TAF1L: variants seen among roughly 807,000 people sequenced by gnomAD.
The protein encoded by TAF1L is TATA-box binding protein associated factor 1 like.
A neutral mutation model predicts 128.8 loss-of-function variants in TAF1L; 30 were observed. The ratio of observed to expected loss-of-function variants is 0.23; its 90% CI spans 0.17 to 0.32. TAF1L has a LOEUF of 0.32. TAF1L is among the 10% of genes least tolerant of loss of function. TAF1L has a pLI of 1.00. For missense variants in TAF1L, 2,099 were observed against 2,253.7 expected (o/e 0.93, Z 1.39); for synonymous variants, 764 against 790.7 (o/e 0.97, Z 0.57).
rs761423467 is a variant in TAF1L at position 32,630,118 on chromosome 9, T to G, written c.5462A>C (p.Lys1821Thr). The G allele has an allele frequency of 2.5e-6, 4 of 1,614,190 alleles. No homozygotes were observed. The highest frequency in any genetic ancestry group is 3.4e-6 in the Non-Finnish European group (4 of 1,180,020). ...CTTTCTTCATTTTCCGTGCCCATCCTTGTGTTCTCCTGAAGCATGCTGAAG... is the reference window on the plus strand; with the variant it reads ...CTTTCTTCATTTTCCGTGCCCATCCGTGTGTTCTCCTGAAGCATGCTGAAG... Reference protein sequence around the residue: ...FMLQHASGEHKDGHGK With the variant: ...FMLQHASGEHTDGHGK Residue 1821 changes from lysine to threonine, a missense_variant, in exon 1 of 1, where the codon AAG (lysine) becomes ACG (threonine). Lys to Thr is a moderately conservative substitution (Grantham distance 78). Coordinates refer to ENST00000242310, the MANE Select transcript of TAF1L (RefSeq NM_153809.2).
Position 32,634,433 on chromosome 9 carries a change from A to G in TAF1L, c.1147T>C (p.Tyr383His). The change falls in exon 1 of 1, where the codon TAT becomes CAT. Residue 383 changes from tyrosine to histidine, a missense_variant. By Grantham distance (83) the Tyr-to-His change is moderately conservative. This residue lies in a region of TAF1L where 1,213 missense variants were observed against 1,391.4 expected (regional missense o/e 0.87). Coordinates refer to ENST00000242310, the MANE Select transcript of TAF1L (RefSeq NM_153809.2). ...GVSEDGSGFD[Y>H]GFKLRKTQHE... ...TGTGTCTTTCTCAGTTTGAAGCCAT[A>G]GTCAAACCCACTGCCATCTTCGGAG... 6.2e-7 allele frequency: 1 copy of G among 1,614,234 alleles called. No individual in the cohort carries two copies. The highest frequency in any genetic ancestry group is 8.5e-7 in the Non-Finnish European group (1 of 1,180,044).
Position 32,632,692 on chromosome 9 carries a change from C to A in TAF1L, c.2888G>T (p.Gly963Val). 6.2e-7 allele frequency: 1 copy of A among 1,614,196 alleles called. No homozygotes were observed. Among genetic ancestry groups the A allele is most frequent in the East Asian group, 2.2e-5 (1 of 44,884 alleles). ...CCCAGTCACCTCTAGGAGACACTTG[C>A]CCTTCATGGCAGCAATGAAGGCCCT... The part of the protein sequence containing the change: ...TTRAFIAAMK[G>V]KCLLEVTGVA... Residue 963 changes from glycine to valine, a missense_variant, in exon 1 of 1, where the codon GGC becomes GTC. Around this residue, in one of 4 missense-constraint regions of TAF1L, gnomAD observed 1,213 missense variants for 1,391.4 expected, o/e 0.87. Transcript: ENST00000242310. This position sits in a 1 kb window ranked among gnomAD's most constrained non-coding sequence, Gnocchi z 4.4.
In TAF1L at chr9:32,633,316, G is replaced by C; in HGVS notation, c.2264C>G (p.Pro755Arg). The change falls in exon 1 of 1, where the codon CCT (proline) becomes CGT (arginine). Residue 755 changes from proline to arginine, a missense_variant. Physicochemically the swap from Pro to Arg is moderately radical, Grantham distance 103. This residue lies in a region of TAF1L where 1,213 missense variants were observed against 1,391.4 expected (regional missense o/e 0.87). Transcript: ENST00000242310. The stretch of plus-strand genomic sequence containing the variant: ...CTCAAGTGCCTGCAGTAATTGGCCA[G>C]GATGGAGAGAGCCCAAGAAAGGAGA... The part of the protein sequence containing the change: ...HTSPFLGSLH[P>R]GQLLQALENN... 1.2e-6 allele frequency: 2 copies of C among 1,614,226 alleles called. No homozygotes were observed.
At position 32,631,739 on chromosome 9, in the gene TAF1L, G is replaced by A; in HGVS notation, c.3841C>T (p.Leu1281=). Residue 1281 remains leucine, a synonymous_variant, in exon 1 of 1, where the codon CTG becomes TTG. Coordinates refer to ENST00000242310, the MANE Select transcript of TAF1L (RefSeq NM_153809.2). The surrounding 1 kb of genome is among the most constrained non-coding windows in gnomAD (Gnocchi z 4.1). ...ATGGCACCACATGCCCCACATTTCA[G>A]TTTTAGGTCAGGACGCTCTTTCATT... ...KKMKERPDLK[L]KCGACGAIGH... 1 of 1,614,162 alleles carries A rather than the reference G, an allele frequency of 6.2e-7. No individual in the cohort carries two copies. The highest frequency in any genetic ancestry group is 8.5e-7 in the Non-Finnish European group (1 of 1,180,034).
At position 32,631,894 on chromosome 9, in the gene TAF1L, G is replaced by T; in HGVS notation, c.3686C>A (p.Ala1229Asp). The T allele has an allele frequency of 6.2e-7, 1 of 1,614,154 alleles. No homozygotes were observed. The highest frequency in any genetic ancestry group is 8.5e-7 in the Non-Finnish European group (1 of 1,180,034). ...TKDEKFIQKF[A>D]LFDEKHREEM... ...TTCCCGATGTTTTTCATCAAAAAGG[G>T]CAAATTTTTGAATGAATTTCTCATC... Residue 1229 changes from alanine (A) to aspartate (D), a missense_variant, in exon 1 of 1, where the codon GCC becomes GAC. Physicochemically the swap from Ala to Asp is moderately radical, Grantham distance 126. Coordinates refer to ENST00000242310, the MANE Select transcript of TAF1L (RefSeq NM_153809.2). The surrounding 1 kb of genome is among the most constrained non-coding windows in gnomAD (Gnocchi z 4.1).
At position 32,634,154 on chromosome 9, in the gene TAF1L, T is replaced by A. The variant is rs1256286723; in HGVS notation, c.1426A>T (p.Thr476Ser). 1 of 1,614,106 alleles carries A rather than the reference T, an allele frequency of 6.2e-7. No individual in the cohort carries two copies. Reference sequence around the variant, plus strand: ...TACCAAGGTTTGTCATCATCCAGAGTGGGTGCAAAACCTTGCTGAACATTG... The same window carrying A: ...TACCAAGGTTTGTCATCATCCAGAGAGGGTGCAAAACCTTGCTGAACATTG... Reference protein sequence around the residue: ...AYNVQQGFAPTLDDDKPWYSI... With the variant: ...AYNVQQGFAPSLDDDKPWYSI... Residue 476 changes from threonine (T) to serine (S), a missense_variant, in exon 1 of 1, where the codon ACT (threonine) becomes TCT (serine). Physicochemically the swap from Thr to Ser is moderately conservative, Grantham distance 58. Transcript: ENST00000242310.
Position 32,635,528 on chromosome 9 carries a change from CGGCAG to C in TAF1L, c.47_51del (p.Thr16SerfsTer42). 1 of 1,614,062 alleles carries C rather than the reference CGGCAG, an allele frequency of 6.2e-7. No homozygotes were observed. Among genetic ancestry groups the C allele is most frequent in the Non-Finnish European group, 8.5e-7 (1 of 1,179,992 alleles). ...TCGCTGTCCGAGTCTGACATGATGGCGGCAGTGACGGTAGCTGCTGCCCTCAGCAG... is the reference window on the plus strand; with the variant it reads ...TCGCTGTCCGAGTCTGACATGATGGCTGACGGTAGCTGCTGCCCTCAGCAG... On this transcript the variant is annotated frameshift_variant, in exon 1 of 1. Coordinates refer to ENST00000242310, the MANE Select transcript of TAF1L (RefSeq NM_153809.2). LOFTEE classifies it high-confidence loss of function.
In TAF1L at chr9:32,631,372, G is replaced by A. The variant is rs778395226; in HGVS notation, c.4208C>T (p.Thr1403Met). ...IHRRRTDPMV[T>M]LSSILESIIN... ...GATAGACTCCAGGATGGATGACAGCGTCACCATAGGGTCTGTGCGGCGTCG... is the reference window on the plus strand; with the variant it reads ...GATAGACTCCAGGATGGATGACAGCATCACCATAGGGTCTGTGCGGCGTCG... Residue 1403 changes from threonine to methionine, a missense_variant, in exon 1 of 1, where the codon ACG (threonine) becomes ATG (methionine). This residue lies in a region of TAF1L where 1,213 missense variants were observed against 1,391.4 expected (regional missense o/e 0.87). Coordinates refer to ENST00000242310, the MANE Select transcript of TAF1L (RefSeq NM_153809.2). This position sits in a 1 kb window ranked among gnomAD's most constrained non-coding sequence, Gnocchi z 4.1. 16 of 1,614,166 alleles carry A rather than the reference G, an allele frequency of 9.9e-6. No homozygotes were observed. The highest frequency in any genetic ancestry group is 3.3e-5 in the Admixed American group (2 of 60,022).
At position 32,633,105 on chromosome 9, in the gene TAF1L, A is replaced by G. The variant is rs750345624; in HGVS notation, c.2475T>C (p.Phe825=). Residue 825 remains phenylalanine, a synonymous_variant, in exon 1 of 1, where the codon TTT becomes TTC. Coordinates refer to ENST00000242310, the MANE Select transcript of TAF1L (RefSeq NM_153809.2). ...AAAGGCGGTAAATAAAAACCTGTAG[A>G]AAGTCTCGAATATGCATATTGGCCC... ...SRRANMHIRD[F]LQVFIYRLFW... The G allele has an allele frequency of 1.2e-6, 2 of 1,614,214 alleles. No homozygotes were observed. Among genetic ancestry groups the G allele is most frequent in the South Asian group, 1.1e-5 (1 of 91,080 alleles).
At position 32,630,850 on chromosome 9, in the gene TAF1L, G is replaced by C. The variant is rs1044009811; in HGVS notation, c.4730C>G (p.Ser1577Cys). 1.2e-6 allele frequency: 2 copies of C among 1,614,050 alleles called. No individual in the cohort carries two copies. The highest frequency in any genetic ancestry group is 2.7e-5 in the African/African-American group (2 of 74,918). The change falls in exon 1 of 1, where the codon TCC becomes TGC. Residue 1577 changes from serine to cysteine, a missense_variant. Ser to Cys is a moderately radical substitution (Grantham distance 112). Transcript: ENST00000242310. ...VDLETIRKNI[S>C]KHKYQSRESF... Reference sequence around the variant, plus strand: ...CTCCCGACTCTGATACTTGTGCTTGGAGATGTTCTTACGTATGGTCTCTAA... The same window carrying C: ...CTCCCGACTCTGATACTTGTGCTTGCAGATGTTCTTACGTATGGTCTCTAA...
In TAF1L at chr9:32,635,173, G is replaced by C. The variant is rs139816850; in HGVS notation, c.407C>G (p.Ser136Trp). The part of the protein sequence containing the change: ...TMGSLQPLYH[S>W]DYDEDDYDAD... ...ATCATAGTCATCTTCATCATAATCC[G>C]AGTGGTAAAGGGGCTGCAAGCTCCC... The change falls in exon 1 of 1, where the codon TCG becomes TGG. Residue 136 changes from serine (S) to tryptophan (W), a missense_variant. Ser to Trp is a radical substitution (Grantham distance 177, BLOSUM62 -3). Transcript: ENST00000242310. 5.3e-5 allele frequency: 85 copies of C among 1,614,086 alleles called. No individual in the cohort carries two copies. In the African/African-American group the frequency reaches 8.9e-4, roughly 17 times the overall value.
At position 32,631,608 on chromosome 9, in the gene TAF1L, C is replaced by T. The variant is rs1221360294; in HGVS notation, c.3972G>A (p.Lys1324=). Residue 1324 remains lysine (K), a synonymous_variant, in exon 1 of 1, where the codon AAG becomes AAA. Coordinates refer to ENST00000242310, the MANE Select transcript of TAF1L (RefSeq NM_153809.2). This position sits in a 1 kb window ranked among gnomAD's most constrained non-coding sequence, Gnocchi z 4.1. Reference sequence around the variant, plus strand: ...CTTCATTATCATTATGAATGACTGTCTTTTCCAACTCCTCCTCCTGCTCTT... The same window carrying T: ...CTTCATTATCATTATGAATGACTGTTTTTTCCAACTCCTCCTCCTGCTCTT... The part of the protein sequence containing the change: ...MTEEQEEELE[K]TVIHNDNEEL... 1 of 1,614,192 alleles carries T rather than the reference C, an allele frequency of 6.2e-7. No homozygotes were observed. Among genetic ancestry groups the T allele is most frequent in the East Asian group, 2.2e-5 (1 of 44,880 alleles).
In TAF1L at chr9:32,631,089, A is replaced by G. The variant is rs540111709; in HGVS notation, c.4491T>C (p.Asp1497=). The change falls in exon 1 of 1, where the codon GAT becomes GAC. Residue 1497 remains aspartate (D), a synonymous_variant. Transcript: ENST00000242310. This position sits in a 1 kb window ranked among gnomAD's most constrained non-coding sequence, Gnocchi z 4.1. Reference sequence around the variant, plus strand: ...TGTCTTCTTTCTCTTTAAGTTTTTCATCACAGAGATCCAGCATGGATTGAG... The same window carrying G: ...TGTCTTCTTTCTCTTTAAGTTTTTCGTCACAGAGATCCAGCATGGATTGAG... ...QISQSMLDLC[D]EKLKEKEDKL... The G allele has an allele frequency of 1.2e-6, 2 of 1,614,234 alleles. No individual in the cohort carries two copies. The highest frequency in any genetic ancestry group is 2.2e-5 in the East Asian group (1 of 44,890).
rs149484028 is a variant in TAF1L, at chr9:32,632,556, T to C, written c.3024A>G (p.Thr1008=). Residue 1008 remains threonine, a synonymous_variant, in exon 1 of 1, where the codon ACA becomes ACG. Coordinates refer to ENST00000242310, the MANE Select transcript of TAF1L (RefSeq NM_153809.2). This position sits in a 1 kb window ranked among gnomAD's most constrained non-coding sequence, Gnocchi z 4.4. The part of the protein sequence containing the change: ...KEPQAVKKTV[T]GTDADLRRLS... ...GGCGACGAAGGTCTGCATCTGTTCCTGTCACTGTCTTCTTCACTGCCTGTG... is the reference window on the plus strand; with the variant it reads ...GGCGACGAAGGTCTGCATCTGTTCCCGTCACTGTCTTCTTCACTGCCTGTG... 3 of 1,614,136 alleles carry C rather than the reference T, an allele frequency of 1.9e-6. No homozygotes were observed. Among genetic ancestry groups the C allele is most frequent in the Non-Finnish European group, 2.5e-6 (3 of 1,180,056 alleles).
rs762586016 is a variant in TAF1L at position 32,634,682 on chromosome 9, A to G, written c.898T>C (p.Ser300Pro). Residue 300 changes from serine (S) to proline (P), a missense_variant, in exon 1 of 1, where the codon TCA (serine) becomes CCA (proline). Coordinates refer to ENST00000242310, the MANE Select transcript of TAF1L (RefSeq NM_153809.2). ...TTCTGGCTGACTTCTGATTCTACTG[A>G]GCATTCCACCTCCTGGATCTGCTCT... The part of the protein sequence containing the change: ...QEEQIQEVEC[S>P]VESEVSQKSL... 3.7e-6 allele frequency: 6 copies of G among 1,613,990 alleles called. No homozygotes were observed. Among genetic ancestry groups the G allele is most frequent in the Non-Finnish European group, 5.1e-6 (6 of 1,180,014 alleles).
rs1458807522 is a variant in TAF1L at position 32,635,666 on chromosome 9, G to C, written c.-87C>G. ...CGTCTACCGGAAGCTGAATAAAGGC[G>C]GGGGGAGGGGGCAAAGGGGCGGGGG... On this transcript the variant is annotated 5_prime_UTR_variant, in exon 1 of 1. Transcript: ENST00000242310. 7.6e-6 allele frequency: 11 copies of C among 1,450,946 alleles called. No individual in the cohort carries two copies. The East Asian group carries it at 1.2e-4, about 16-fold the overall frequency. The allele number at this position is 1,450,946 out of a possible 1,614,324, so 89.9% of individuals were successfully genotyped here.
At position 32,630,543 on chromosome 9, in the gene TAF1L, T is replaced by G; in HGVS notation, c.5037A>C (p.Arg1679=). ...TCTCATCTTGAAATACAGAGGCATC[T>G]CGAGACGTACTGAGGGATGTGTTGG... ...YDTNTSLSTS[R]DASVFQDESN... Residue 1679 remains arginine (R), a synonymous_variant, in exon 1 of 1, where the codon CGA becomes CGC. Transcript: ENST00000242310. 2 of 1,614,200 alleles carry G rather than the reference T, an allele frequency of 1.2e-6. No individual in the cohort carries two copies. Among genetic ancestry groups the G allele is most frequent in the Non-Finnish European group, 1.7e-6 (2 of 1,180,046 alleles).
rs1050311741 is a variant in TAF1L at position 32,633,133 on chromosome 9, C to T, written c.2447G>A (p.Arg816Lys). 6.2e-7 allele frequency: 1 copy of T among 1,614,088 alleles called. No homozygotes were observed. Among genetic ancestry groups the T allele is most frequent in the African/African-American group, 1.3e-5 (1 of 74,924 alleles). ...PLFEVPGPNS[R>K]RANMHIRDFL... ...GTCTCGAATATGCATATTGGCCCTT[C>T]TGGAGTTAGGCCCAGGAACTTCAAA... Residue 816 changes from arginine to lysine, a missense_variant, in exon 1 of 1, where the codon AGA becomes AAA. Transcript: ENST00000242310.
Position 32,630,506 on chromosome 9 carries a change from C to T in TAF1L, c.5074G>A (p.Val1692Ile). ...SVFQDESNLS[V>I]LDISTATPEK... ...GGAGTGGCAGTGGAAATATCCAAGA[C>T]AGACAAATTGCTCTCATCTTGAAAT... The change falls in exon 1 of 1, where the codon GTC becomes ATC. Residue 1692 changes from valine (V) to isoleucine (I), a missense_variant. By Grantham distance (29) the Val-to-Ile change is conservative (BLOSUM62 3). Transcript: ENST00000242310. The T allele has an allele frequency of 6.2e-7, 1 of 1,614,178 alleles. No individual in the cohort carries two copies. The highest frequency in any genetic ancestry group is 8.5e-7 in the Non-Finnish European group (1 of 1,180,032).
Sources: allele counts gnomAD v4.1 joint callset, GRCh38; gene constraint gnomAD v4.1.1; regional missense constraint gnomAD v4.1.1; non-coding constraint Gnocchi (gnomAD v3.1); transcripts MANE v1.5; gene names NCBI Gene and HGNC (gene_info 2026-07-23, HGNC 2026-07-21).